Variants in CASD1 observed in about 807,000 individuals in gnomAD.
CASD1 encodes the protein CAS1 domain sialic acid O acetyltransferase 1.
CASD1 carries 41 observed loss-of-function variants against 100.0 expected under a neutral mutation model. The ratio of observed to expected loss-of-function variants is 0.41; its 90% CI spans 0.32 to 0.53. The LOEUF (loss-of-function observed/expected upper bound fraction) is 0.53, where lower values mean the gene tolerates loss of function less well. CASD1 is among the 20% of genes least tolerant of loss of function. CASD1 has a pLI of 0.25. For missense variants in CASD1, 774 were observed against 948.7 expected (o/e 0.82, Z 2.42); for synonymous variants, 321 against 315.6 (o/e 1.02, Z -0.18).
chr7:94,538,996 C>T lies in CASD1; in HGVS notation c.1296C>T (p.Asp432=), dbSNP rs560211500. ...AAGTATTAAATAGAGAACAAACAGA[C>T]GAATGGAAAGGCTGGATGCAACTTG... The part of the protein sequence containing the change: ...ETKVLNREQT[D]EWKGWMQLVI... The change falls in exon 10 of 18, where the codon GAC becomes GAT. Residue 432 remains aspartate, a synonymous_variant. Coordinates refer to ENST00000297273, the MANE Select transcript of CASD1 (RefSeq NM_022900.5). The T allele has an allele frequency of 2.7e-5, 43 of 1,607,546 alleles. No individual in the cohort carries two copies. Among genetic ancestry groups the T allele is most frequent in the African/African-American group, 8.0e-5 (6 of 74,812 alleles).
At chr7:94,587,304 T>G in the CASD1 span, 1 of 992,924 alleles carries the variant, frequency 1.0e-6, no homozygotes, top group Non-Finnish European at 1.2e-6. Flanking sequence ...GTTTCCTAAT[T>G]CCCCTAGTGG....
At chr7:94,581,567 AC>A in the CASD1 span, among the ~76,000 whole-genome samples, 1 of 151,506 alleles carries the variant, frequency 6.6e-6, no homozygotes, top group South Asian at 2.1e-4. Flanking sequence ...GTGTGTTGTT[AC>A]CCCCCATGTG....
chr7:94,590,746 C>G, the CASD1 span: 1 of 152,234 alleles, frequency 6.6e-6, no homozygotes, highest in Non-Finnish European at 1.5e-5. Context: ...GGAATCCTGT[C>G]AGCTTTGTTT....
the CASD1 span, among the ~76,000 whole-genome samples, chr7:94,607,175 A>G: frequency 6.6e-6 from 1 of 152,190 alleles, no homozygotes; most frequent in African/African-American, 2.4e-5. Context: ...TCTAAAGCAG[A>G]AAGCATCAGG....
At chr7:94,554,727 A>G in intron 17 of CASD1, 152 bp downstream of exon 17, 1 of 517,766 alleles carries the variant, frequency 1.9e-6, no homozygotes, top group Non-Finnish European at 3.4e-6. Context: ...TTACAGGGAA[A>G]AGACTTAGAA....
At chr7:94,587,968 T>G in the CASD1 span, 1 of 1,421,170 alleles carries the variant, frequency 7.0e-7, no homozygotes, top group Non-Finnish European at 9.1e-7. Flanking sequence ...CAACTTACAT[T>G]TTTAAAACTT....
At chr7:94,532,854 T>G (rs1794918201) in intron 5 of CASD1, among the ~76,000 whole-genome samples, 1 of 152,184 alleles carries the variant, frequency 6.6e-6, no homozygotes, top group Non-Finnish European at 1.5e-5. Context: ...GATTACCTTT[T>G]AATTGACTGA....
chr7:94,522,437 A>C (rs995558526), intron 3 of CASD1, among the ~76,000 whole-genome samples: 1 of 152,220 alleles, frequency 6.6e-6, no homozygotes, highest in Non-Finnish European at 1.5e-5. Context: ...TATAAAGCAA[A>C]AATATAACTA....
the CASD1 span, among the ~76,000 whole-genome samples, chr7:94,608,568 C>T: frequency 2.6e-5 from 4 of 152,104 alleles, no homozygotes; most frequent in African/African-American, 4.8e-5. Flanking sequence ...TATTAACAAA[C>T]TTATTCTAAA....
At chr7:94,629,905 C>T in the CASD1 span, 2 of 1,589,248 alleles carry the variant, frequency 1.3e-6, no homozygotes, top group East Asian at 4.5e-5. Flanking sequence ...CTTGATAATT[C>T]AGCTTACGCT....
At chr7:94,519,352 G>A (rs1562932997) in intron 3 of CASD1, among the ~76,000 whole-genome samples, 1 of 152,140 alleles carries the variant, frequency 6.6e-6, no homozygotes, top group Non-Finnish European at 1.5e-5. Flanking sequence ...ACACAAGAAA[G>A]TTTAGAATTG....
At chr7:94,587,544 G>A in the CASD1 span, 1 of 1,316,364 alleles carries the variant, frequency 7.6e-7, no homozygotes, top group Non-Finnish European at 9.6e-7. Context: ...GAAATTAGTG[G>A]TAGTAGGGAT....
chr7:94,601,433 A>C, the CASD1 span, among the ~76,000 whole-genome samples: 1 of 126,070 alleles, frequency 7.9e-6, no homozygotes, highest in African/African-American at 3.1e-5. Context: ...ACTTAATTCT[A>C]TCCCAGTATC....
At chr7:94,571,217 A>G in the CASD1 span, among the ~76,000 whole-genome samples, 1 of 151,636 alleles carries the variant, frequency 6.6e-6, no homozygotes, top group East Asian at 1.9e-4. Flanking sequence ...CTAATTGTTT[A>G]ATTTTTGTAG....
At chr7:94,550,928 A>G (rs1203254232) in intron 14 of CASD1, among the ~76,000 whole-genome samples, 1 of 152,134 alleles carries the variant, frequency 6.6e-6, no homozygotes, top group Non-Finnish European at 1.5e-5. Flanking sequence ...TCTTTTCAGA[A>G]TTATGACTTG....
the CASD1 span, among the ~76,000 whole-genome samples, chr7:94,565,610 C>G: frequency 4.6e-5 from 7 of 152,166 alleles, no homozygotes; most frequent in African/African-American, 1.7e-4. Context: ...TTCCCTCCAC[C>G]AGGACATTCT....
the CASD1 span, chr7:94,590,129 A>G: frequency 6.6e-6 from 1 of 152,180 alleles, no homozygotes; most frequent in African/African-American, 2.4e-5. Flanking sequence ...CTTGAAGCCA[A>G]CAACCAACTA....
the CASD1 span, among the ~76,000 whole-genome samples, chr7:94,602,573 A>G: frequency 2.6e-5 from 4 of 152,038 alleles, no homozygotes; most frequent in Non-Finnish European, 5.9e-5. Flanking sequence ...AGTTGGATAC[A>G]TTAATATGAA....
intron 10 of CASD1, among the ~76,000 whole-genome samples, chr7:94,539,434 C>T (rs1040714541): frequency 7.9e-5 from 12 of 151,982 alleles, no homozygotes; most frequent in South Asian, 6.2e-4. Context: ...TTTCGGAGGC[C>T]GAGGTGGGTG....
Sources: gnomAD v4.1 joint callset for allele counts (sites outside exome capture counted in the v4.1 genomes callset) on GRCh38, gnomAD v4.1.1 for gene constraint, MANE v1.5 for transcripts, NCBI Gene and HGNC (gene_info 2026-07-23, HGNC 2026-07-21) for gene names.